The following WDFY3 variants were observed in gnomAD, a reference collection of about 807,000 sequenced individuals.
WDFY3 encodes the protein WD repeat and FYVE domain containing 3.
WDFY3 carries 66 observed loss-of-function variants against 409.6 expected under a neutral mutation model. The ratio of observed to expected loss-of-function variants is 0.16; its 90% CI spans 0.13 to 0.20. The LOEUF (loss-of-function observed/expected upper bound fraction) is 0.20, where lower values mean the gene tolerates loss of function less well. WDFY3 is among the 10% of genes least tolerant of loss of function. The pLI is 1.00. For missense variants in WDFY3, 3,031 were observed against 4,298.1 expected (o/e 0.71, Z 8.24); for synonymous variants, 1,521 against 1,537.1 (o/e 0.99, Z 0.25).
At chr4:84,775,308 A>C (rs1043193261) in intron 27 of WDFY3, among the ~76,000 whole-genome samples, 170 bp from the exon 28 acceptor site, 9 of 152,034 alleles carry the variant, frequency 5.9e-5, no homozygotes, top group Admixed American at 3.3e-4. Flanking sequence ...AAATTGGCCA[A>C]AAAAATGACC....
intron 10 of WDFY3, among the ~76,000 whole-genome samples, 194 bp from the exon 11 acceptor site, chr4:84,821,745 C>T (rs1754095598): frequency 6.6e-6 from 1 of 152,068 alleles, no homozygotes; most frequent in Non-Finnish European, 1.5e-5. Flanking sequence ...ATGATTAAAA[C>T]TTTAATGCAT....
At chr4:84,961,407 GA>G (rs1029249494) in intron 1 of WDFY3, among the ~76,000 whole-genome samples, 3 of 147,782 alleles carry the variant, frequency 2.0e-5, no homozygotes, top group Admixed American at 6.8e-5. Context: ...AAGTAAAATT[GA>G]AAAAAAAAAT....
At chr4:84,965,166 G>A (rs1234962384) in intron 1 of WDFY3, among the ~76,000 whole-genome samples, 2 of 151,988 alleles carry the variant, frequency 1.3e-5, no homozygotes, top group South Asian at 2.1e-4. Flanking sequence ...CCTGATAGTC[G>A]AAACCAGTTG....
intron 2 of WDFY3, among the ~76,000 whole-genome samples, chr4:84,912,957 C>T (rs779179299): frequency 1.1e-4 from 16 of 152,058 alleles, no homozygotes; most frequent in Admixed American, 2.0e-4. Flanking sequence ...TTGGTTGTAC[C>T]ACAAGTAGGG....
intron 41 of WDFY3, among the ~76,000 whole-genome samples, chr4:84,736,793 T>G (rs1400465494): frequency 2.6e-5 from 4 of 152,066 alleles, no homozygotes; most frequent in Admixed American, 2.6e-4. Context: ...CCATACCAAG[T>G]AGGACAAAGA....
chr4:84,939,251 G>C (rs555187337), intron 1 of WDFY3, among the ~76,000 whole-genome samples: 1 of 152,234 alleles, frequency 6.6e-6, no homozygotes, highest in South Asian at 2.1e-4. Flanking sequence ...TTAAATTCAG[G>C]TTATGCAGTC....
At chr4:84,961,108 G>T (rs185267763) in intron 1 of WDFY3, among the ~76,000 whole-genome samples, 56 of 151,962 alleles carry the variant, frequency 3.7e-4, no homozygotes, top group African/African-American at 1.3e-3. Context: ...CCAGCTACTC[G>T]GGTGGCTGAG....
At chr4:84,803,124 A>C (rs1750910604) in intron 16 of WDFY3, 166 bp downstream of exon 16, 1 of 676,212 alleles carries the variant, frequency 1.5e-6, no homozygotes, top group African/African-American at 1.8e-5. Context: ...TCTACCATTT[A>C]TCATGAAAGG....
chr4:84,906,772 T>G (rs999004533), intron 2 of WDFY3, among the ~76,000 whole-genome samples: 1 of 101,944 alleles, frequency 9.8e-6, no homozygotes, highest in African/African-American at 5.5e-5. Context: ...TATTTTGTGA[T>G]TTTTTTTTTT....
rs1211755361 is a variant in WDFY3, at chr4:84,678,911, C to T, written c.10147+8G>A. 4 of 1,606,194 alleles carry T rather than the reference C, an allele frequency of 2.5e-6. No homozygotes were observed. The highest frequency in any genetic ancestry group is 2.6e-6 in the Non-Finnish European group (3 of 1,175,586). On this transcript the variant is annotated splice_region_variant and intron_variant, in intron 65 of 67. Transcript: ENST00000295888. Reference sequence around the variant, plus strand: ...GGAGTGAGAAATAGATACCAGACTTCAAGTTACCAGGTTTCAATCTGCTGT... The same window carrying T: ...GGAGTGAGAAATAGATACCAGACTTTAAGTTACCAGGTTTCAATCTGCTGT...
rs550136388 is a variant in WDFY3, at chr4:84,884,615, T to C, written c.-32+12296A>G. 2.6e-5 allele frequency among the ~76,000 whole-genome samples: 4 copies of C among 152,302 alleles called. No individual in the cohort carries two copies. In the East Asian group the frequency reaches 7.7e-4, roughly 29 times the overall value. On this transcript the variant is annotated intron_variant, in intron 3 of 67. Transcript: ENST00000295888. The stretch of plus-strand genomic sequence containing the variant: ...AAAAGTGTTAAACATAATTTAAATG[T>C]ACTTAGGAAACATAACAGGTAACAA...
At chr4:84,703,564 C>T (rs937884703) in intron 55 of WDFY3, among the ~76,000 whole-genome samples, 6 of 152,194 alleles carry the variant, frequency 3.9e-5, no homozygotes, top group African/African-American at 1.4e-4. Flanking sequence ...GACACACTGG[C>T]CCCCGGGCTG....
chr4:84,934,271 A>G (rs1342161271), intron 1 of WDFY3, among the ~76,000 whole-genome samples: 1 of 152,158 alleles, frequency 6.6e-6, no homozygotes, highest in Admixed American at 6.6e-5. Context: ...TTTGATGATC[A>G]ATGACACTGA....
intron 3 of WDFY3, among the ~76,000 whole-genome samples, chr4:84,894,453 G>C (rs1169387586): frequency 6.6e-6 from 1 of 152,074 alleles, no homozygotes; most frequent in Non-Finnish European, 1.5e-5. Context: ...GAGGTCAGGA[G>C]TTTGAGACCA....
At chr4:84,771,838 T>C (rs1173640166) in intron 30 of WDFY3, among the ~76,000 whole-genome samples, 3 of 152,246 alleles carry the variant, frequency 2.0e-5, no homozygotes, top group Admixed American at 6.5e-5. Flanking sequence ...AATATCAGCA[T>C]CATTCTAAAT....
intron 57 of WDFY3, 86 bp downstream of exon 57, chr4:84,696,646 G>A: frequency 7.5e-7 from 1 of 1,335,014 alleles, no homozygotes; most frequent in South Asian, 1.2e-5. Flanking sequence ...ACAAACAGGT[G>A]GTACTCTGGC....
intron 67 of WDFY3, 73 bp downstream of exon 67, chr4:84,677,126 C>G: frequency 6.4e-7 from 1 of 1,560,368 alleles, no homozygotes. Context: ...AAATCAGAAC[C>G]TGTGTGCAGG....
At chr4:84,906,523 T>A (rs1378604068) in intron 2 of WDFY3, among the ~76,000 whole-genome samples, 1 of 152,196 alleles carries the variant, frequency 6.6e-6, no homozygotes, top group Non-Finnish European at 1.5e-5. Context: ...TAAAAAAATT[T>A]AACCACAGTC....
chr4:84,718,985 T>C (rs1053746397), intron 47 of WDFY3, among the ~76,000 whole-genome samples: 15 of 152,144 alleles, frequency 9.9e-5, no homozygotes, highest in Admixed American at 7.2e-4. Context: ...AGAGTGAAAA[T>C]TGCAGGGCCT....
Sources: gnomAD v4.1 joint callset for allele counts (sites outside exome capture counted in the v4.1 genomes callset) on GRCh38, gnomAD v4.1.1 for gene constraint, MANE v1.5 for transcripts, NCBI Gene and HGNC (gene_info 2026-07-23, HGNC 2026-07-21) for gene names.